Variants in CMIP observed in about 807,000 individuals in gnomAD.
CMIP encodes the protein C-Maf-inducing protein.
Under a neutral mutation model 97.3 loss-of-function variants are expected in CMIP, and 13 were observed. The observed-to-expected ratio is 0.13, with a 90% confidence interval of 0.09 to 0.21. The LOEUF (loss-of-function observed/expected upper bound fraction) is 0.21, where lower values mean the gene tolerates loss of function less well. CMIP is among the 10% of genes least tolerant of loss of function. CMIP has a pLI of 1.00. For missense variants in CMIP, 847 were observed against 1,024.9 expected (o/e 0.83, Z 2.37); for synonymous variants, 538 against 436.3 (o/e 1.23, Z -2.91).
intron 13 of CMIP, chr16:81,696,291 T>G: frequency 1.8e-6 from 1 of 547,252 alleles, no homozygotes; most frequent in South Asian, 2.0e-5. Flanking sequence ...TTCATTCAGA[T>G]CAGCCAATCA....
rs540580059 is a variant in CMIP, at chr16:81,544,285, C to T, written c.301-63282C>T. Among the ~76,000 whole-genome samples the T allele has an allele frequency of 1.8e-4, 28 of 152,244 alleles. No individual in the cohort carries two copies. The East Asian group carries it at 4.6e-3, about 25-fold the overall frequency. On this transcript the variant is annotated intron_variant, in intron 1 of 20. Coordinates refer to ENST00000537098, the MANE Select transcript of CMIP (RefSeq NM_198390.3). The stretch of plus-strand genomic sequence containing the variant: ...GGTGGCTTCAGCTCTCAAATGAGAC[C>T]GAGGCTGGAGGGTCATGCAAGTGAA...
At chr16:81,538,072 C>G (rs2090379995) in intron 1 of CMIP, among the ~76,000 whole-genome samples, 1 of 152,254 alleles carries the variant, frequency 6.6e-6, no homozygotes, top group African/African-American at 2.4e-5. Flanking sequence ...ACACCACAGT[C>G]TCGTTGCATC....
At position 81,445,106 on chromosome 16, in the gene CMIP, G is replaced by A. The variant is rs1264559156; in HGVS notation, c.-136G>A. ...CGCGGGCAGCGCCCCCTCCCCTGCG[G>A]GCGCCCCCAGCCCCACACCCCCCCA... On this transcript the variant is annotated 5_prime_UTR_variant, in exon 1 of 21. Transcript: ENST00000537098. 2.0e-5 allele frequency: 7 copies of A among 347,198 alleles called. No individual in the cohort carries two copies. Among genetic ancestry groups the A allele is most frequent in the East Asian group, 4.4e-5 (1 of 22,582 alleles). The allele number at this position is 347,198 out of a possible 1,614,324, so 21.5% of individuals were successfully genotyped here.
intron 3 of CMIP, among the ~76,000 whole-genome samples, chr16:81,626,227 G>C (rs1406588276): frequency 6.6e-6 from 1 of 152,068 alleles, no homozygotes; most frequent in Non-Finnish European, 1.5e-5. Context: ...GCGTGAGAAT[G>C]TGTGTAAGAG....
chr16:81,634,260 A>G (rs1239945166), intron 3 of CMIP, among the ~76,000 whole-genome samples: 3 of 152,190 alleles, frequency 2.0e-5, no homozygotes, highest in African/African-American at 7.2e-5. Flanking sequence ...TTTTCCATCT[A>G]CTTTATTTTC....
intron 1 of CMIP, among the ~76,000 whole-genome samples, chr16:81,570,965 T>G (rs557154380): frequency 4.6e-5 from 7 of 152,106 alleles, no homozygotes; most frequent in Non-Finnish European, 7.4e-5. Flanking sequence ...AAAGGGACAT[T>G]AGAGAAAAAA....
chr16:81,692,157 G>A (rs1906156469), intron 11 of CMIP, among the ~76,000 whole-genome samples: 1 of 152,150 alleles, frequency 6.6e-6, no homozygotes, highest in South Asian at 2.1e-4. Context: ...TGCAGTTATC[G>A]TCTTTTATTA....
At chr16:81,536,808 C>T (rs145411578) in intron 1 of CMIP, among the ~76,000 whole-genome samples, 2,790 of 152,160 alleles carry the variant, frequency 0.018, 36 homozygotes, top group Non-Finnish European at 0.027. Flanking sequence ...CACATACATC[C>T]GGAAGCATGC....
chr16:81,498,433 C>T (rs1018740053), intron 1 of CMIP, among the ~76,000 whole-genome samples: 3 of 152,208 alleles, frequency 2.0e-5, no homozygotes, highest in Non-Finnish European at 2.9e-5. Flanking sequence ...ACCTCTGCAC[C>T]GAGTCCCCCT....
intron 7 of CMIP, among the ~76,000 whole-genome samples, chr16:81,668,597 C>A (rs1267302744): frequency 2.6e-5 from 4 of 152,156 alleles, no homozygotes; most frequent in Admixed American, 1.3e-4. Flanking sequence ...GACAGAGCCC[C>A]GCAGTGGACA....
chr16:81,642,309 C>G (rs1160894415), intron 3 of CMIP, among the ~76,000 whole-genome samples: 2 of 152,194 alleles, frequency 1.3e-5, no homozygotes, highest in African/African-American at 4.8e-5. Flanking sequence ...TCATTTCCCC[C>G]ACTCCCTGCC....
In CMIP at chr16:81,598,968, C is replaced by CAAAAAAAAAAAAAAAAAAAAA. The variant is rs141717317; in HGVS notation, c.301-8597_301-8577dup. ...TGAGTGACAGAGCAAGACTCTGTCT[C>CAAAAAAAAAAAAAAAAAAAAA]AAAAAAAAAAAAAAAAAAAAAAGAG... On this transcript the variant is annotated intron_variant, in intron 1 of 20. Transcript: ENST00000537098. Among the ~76,000 whole-genome samples, 8 of 49,852 alleles carry CAAAAAAAAAAAAAAAAAAAAA rather than the reference C, an allele frequency of 1.6e-4. 1 individual carries two copies. Among genetic ancestry groups the CAAAAAAAAAAAAAAAAAAAAA allele is most frequent in the East Asian group, 1.2e-3 (2 of 1,632 alleles). The allele number at this position is 49,852 out of a possible 152,430, so 32.7% of individuals were successfully genotyped here.
intron 1 of CMIP, among the ~76,000 whole-genome samples, chr16:81,569,648 G>A (rs1257080050): frequency 6.6e-6 from 1 of 152,228 alleles, no homozygotes; most frequent in Non-Finnish European, 1.5e-5. Context: ...CGTTTCTACT[G>A]TGTAAATACT....
chr16:81,561,635 C>T (rs2911277), intron 1 of CMIP, among the ~76,000 whole-genome samples: 45,110 of 151,974 alleles, frequency 0.3, 7,168 homozygotes, highest in African/African-American at 0.39. Flanking sequence ...GAGTTTTCTG[C>T]GGAGTGGAGA....
At chr16:81,691,229 C>A (rs1906028912) in intron 10 of CMIP, among the ~76,000 whole-genome samples, 1 of 152,218 alleles carries the variant, frequency 6.6e-6, no homozygotes, top group African/African-American at 2.4e-5. Flanking sequence ...GGGCTGGTTT[C>A]TCTGGAGGCC....
chr16:81,549,852 G>A (rs978326821), intron 1 of CMIP, among the ~76,000 whole-genome samples: 22 of 152,196 alleles, frequency 1.4e-4, no homozygotes, highest in African/African-American at 3.4e-4. Flanking sequence ...GCATGCGCGC[G>A]TGCATATGCC....
intron 1 of CMIP, among the ~76,000 whole-genome samples, chr16:81,537,753 G>C (rs568862191): frequency 6.6e-6 from 1 of 152,278 alleles, no homozygotes; most frequent in East Asian, 1.9e-4. Context: ...TTTGGTGAAA[G>C]TTCAGTGGAG....
chr16:81,680,558 G>A lies in CMIP; in HGVS notation c.1388+1930G>A, dbSNP rs759659009. ...TGCCCAGGGGTTCAGGACCAGCCCCGCCTCGTGGTCCCAGCAGCAGAGGTC... is the reference window on the plus strand; with the variant it reads ...TGCCCAGGGGTTCAGGACCAGCCCCACCTCGTGGTCCCAGCAGCAGAGGTC... On this transcript the variant is annotated intron_variant, in intron 10 of 20. Coordinates refer to ENST00000537098, the MANE Select transcript of CMIP (RefSeq NM_198390.3). Among the ~76,000 whole-genome samples, 13 of 152,308 alleles carry A rather than the reference G, an allele frequency of 8.5e-5. No homozygotes were observed. The East Asian group carries it at 1.5e-3, about 18-fold the overall frequency.
intron 1 of CMIP, chr16:81,495,255 G>A: frequency 7.4e-7 from 1 of 1,350,668 alleles, no homozygotes; most frequent in Non-Finnish European, 9.7e-7. Context: ...GGTCAGAGTG[G>A]ACCTCTCAGC....
Sources: allele counts gnomAD v4.1 joint callset (sites outside exome capture counted in the v4.1 genomes callset), GRCh38; gene constraint gnomAD v4.1.1; transcripts MANE v1.5; gene names NCBI Gene and HGNC (gene_info 2026-07-23, HGNC 2026-07-21).